Variants in DYNC1I1 observed in about 807,000 individuals in gnomAD.
DYNC1I1 encodes the protein cytoplasmic dynein 1 intermediate chain 1.
Under a neutral mutation model 86.6 loss-of-function variants are expected in DYNC1I1, and 43 were observed. The ratio of observed to expected loss-of-function variants is 0.50; its 90% confidence interval spans 0.39 to 0.64. The LOEUF is 0.64. DYNC1I1 is among the 30% of genes least tolerant of loss of function. The pLI is 0.00. For synonymous variants in DYNC1I1, 262 were observed against 283.7 expected (o/e 0.92, Z 0.77); for missense variants, 604 against 788.8 (o/e 0.77, Z 2.81).
chr7:95,937,501 C>T (rs1012530032), intron 6 of DYNC1I1, among the ~76,000 whole-genome samples: 5 of 140,124 alleles, frequency 3.6e-5, no homozygotes, highest in Non-Finnish European at 6.0e-5. Context: ...ATTTAATCTT[C>T]GTTCAAAAAA....
chr7:95,808,121 C>T lies in DYNC1I1; in HGVS notation c.109-2271C>T, dbSNP rs1167497142. Among the ~76,000 whole-genome samples, 43 of 152,104 alleles carry T rather than the reference C, an allele frequency of 2.8e-4. 1 individual carries two copies. The highest frequency in any genetic ancestry group is 2.8e-3 in the Admixed American group (43 of 15,258). On this transcript the variant is annotated intron_variant, in intron 2 of 16. Coordinates refer to ENST00000447467, the MANE Select transcript of DYNC1I1 (RefSeq NM_001135556.2). The stretch of plus-strand genomic sequence containing the variant: ...TCTTTGGAAACTTCTGATCCTGAAT[C>T]CATGGGATATCGACTGGCCACTGTC...
intron 6 of DYNC1I1, among the ~76,000 whole-genome samples, chr7:95,936,188 A>G (rs319296): frequency 0.69 from 104,267 of 151,854 alleles, 36,710 homozygotes; most frequent in East Asian, 0.9. Flanking sequence ...GAAATTAATG[A>G]AATATGTGTA....
chr7:95,933,893 C>T (rs770996596), intron 6 of DYNC1I1, among the ~76,000 whole-genome samples: 29 of 152,070 alleles, frequency 1.9e-4, no homozygotes, highest in Non-Finnish European at 3.1e-4. Flanking sequence ...AAATGAAACC[C>T]GACACTTAGA....
intron 6 of DYNC1I1, among the ~76,000 whole-genome samples, chr7:95,968,860 G>C (rs1793089110): frequency 6.6e-6 from 1 of 151,534 alleles, no homozygotes; most frequent in African/African-American, 2.4e-5. Context: ...GTGTGTGTGT[G>C]TGTGTGTGTG....
At chr7:96,091,360 T>G (rs1790840341) in intron 16 of DYNC1I1, among the ~76,000 whole-genome samples, 1 of 152,176 alleles carries the variant, frequency 6.6e-6, no homozygotes, top group Admixed American at 6.5e-5. Context: ...AAATCAATGG[T>G]TAACATGATA....
At chr7:95,951,483 A>C (rs1302023172) in intron 6 of DYNC1I1, among the ~76,000 whole-genome samples, 1 of 152,178 alleles carries the variant, frequency 6.6e-6, no homozygotes, top group African/African-American at 2.4e-5. Context: ...AGAAGGCCCC[A>C]AAAAGAAAGA....
At chr7:96,076,542 A>C (rs994062580) in intron 15 of DYNC1I1, among the ~76,000 whole-genome samples, 21 of 152,234 alleles carry the variant, frequency 1.4e-4, no homozygotes, top group Non-Finnish European at 2.9e-4. Context: ...AAATACTTGG[A>C]AAAGAAAGCT....
rs1206307794 is a variant in DYNC1I1 at position 96,076,100 on chromosome 7, T to C, written c.1553T>C (p.Val518Ala). 1 of 1,614,222 alleles carries C rather than the reference T, an allele frequency of 6.2e-7. No homozygotes were observed. The highest frequency in any genetic ancestry group is 1.7e-5 in the Admixed American group (1 of 60,032). Residue 518 changes from valine (V) to alanine (A), a missense_variant, in exon 15 of 17, where the codon GTG becomes GCG. Val to Ala is a moderately conservative substitution (Grantham distance 64, BLOSUM62 0). Transcript: ENST00000447467. ...LYSFEDNADY[V>A]YDVMWSPVHP... ...TCCTTTGAAGACAATGCAGACTATG[T>C]GTACGATGTCATGTGGTCCCCCGTG...
At chr7:95,950,497 T>A (rs1792523451) in intron 6 of DYNC1I1, among the ~76,000 whole-genome samples, 2 of 152,194 alleles carry the variant, frequency 1.3e-5, no homozygotes, top group South Asian at 4.1e-4. Flanking sequence ...TTATAATTTG[T>A]CTGTTCAATA....
At chr7:95,957,924 C>A (rs1792762039) in intron 6 of DYNC1I1, among the ~76,000 whole-genome samples, 2 of 152,256 alleles carry the variant, frequency 1.3e-5, no homozygotes, top group South Asian at 4.1e-4. Context: ...GGGTGTTATC[C>A]AGCTCGTCAC....
At chr7:95,983,276 T>C (rs1030560300) in intron 7 of DYNC1I1, among the ~76,000 whole-genome samples, 2 of 152,152 alleles carry the variant, frequency 1.3e-5, no homozygotes, top group Admixed American at 1.3e-4. Context: ...TATTTAGGGC[T>C]CTGGAGACCT....
intron 10 of DYNC1I1, among the ~76,000 whole-genome samples, chr7:96,004,040 AT>A (rs1794081341): frequency 6.6e-6 from 1 of 152,204 alleles, no homozygotes; most frequent in Admixed American, 6.5e-5. Context: ...ATTGTAATAC[AT>A]TTTAGACAGT....
intron 1 of DYNC1I1, among the ~76,000 whole-genome samples, chr7:95,801,037 C>T (rs1045330498): frequency 5.9e-5 from 9 of 152,360 alleles, no homozygotes; most frequent in South Asian, 2.1e-4. Context: ...CGTTCATTCA[C>T]TATAATGTAT....
chr7:95,773,498 G>C (rs555751868), intron 1 of DYNC1I1, among the ~76,000 whole-genome samples: 1 of 152,240 alleles, frequency 6.6e-6, no homozygotes, highest in East Asian at 1.9e-4. Context: ...CTGAGTGTGC[G>C]GGAGTCTCAT....
chr7:95,815,439 G>A (rs1794925733), intron 4 of DYNC1I1, among the ~76,000 whole-genome samples: 1 of 152,154 alleles, frequency 6.6e-6, no homozygotes, highest in Admixed American at 6.6e-5. Context: ...GAAAAACTGA[G>A]CACAAAGTTT....
chr7:96,077,277 G>GTGTGTGT (rs1562996241), intron 15 of DYNC1I1, among the ~76,000 whole-genome samples: 1 of 149,988 alleles, frequency 6.7e-6, no homozygotes, highest in African/African-American at 2.5e-5. Context: ...GTGTGTGTGT[G>GTGTGTGT]GGAGGGGGCA....
chr7:95,780,094 C>G (rs1323300158), intron 1 of DYNC1I1, among the ~76,000 whole-genome samples: 3 of 152,128 alleles, frequency 2.0e-5, no homozygotes, highest in African/African-American at 7.2e-5. Flanking sequence ...TGGCTTCTTT[C>G]TGGTAGAAGG....
chr7:95,773,952 T>C (rs1271704053), intron 1 of DYNC1I1, among the ~76,000 whole-genome samples: 2 of 152,180 alleles, frequency 1.3e-5, no homozygotes, highest in African/African-American at 4.8e-5. Flanking sequence ...CTGGTGAGAA[T>C]GTAATACTAC....
intron 14 of DYNC1I1, among the ~76,000 whole-genome samples, chr7:96,052,526 G>C (rs986007871): frequency 6.6e-6 from 1 of 152,128 alleles, no homozygotes; most frequent in African/African-American, 2.4e-5. Flanking sequence ...ATTTCATGAA[G>C]TTCTTGTGAA....
Sources: gnomAD v4.1 joint callset for allele counts (sites outside exome capture counted in the v4.1 genomes callset) on GRCh38, gnomAD v4.1.1 for gene constraint, MANE v1.5 for transcripts, NCBI Gene and HGNC (gene_info 2026-07-23, HGNC 2026-07-21) for gene names.